Variants in CRYAB observed in about 807,000 individuals in gnomAD.
The protein encoded by CRYAB is alpha-crystallin B chain.
In CRYAB, 9 loss-of-function variants were observed where a neutral mutation model predicts 12.7. The observed-to-expected ratio is 0.71, with a 90% CI of 0.43 to 1.24. The LOEUF is 1.24. Ranked by LOEUF, CRYAB falls within the 50% of genes most tolerant of loss-of-function variation. The probability of loss-of-function intolerance (pLI) is 0.00; values close to 1 mark genes in which losing one functional copy is unlikely to be tolerated. For missense variants in CRYAB, 183 were observed against 226.6 expected (o/e 0.81, Z 1.24); for synonymous variants, 93 against 86.8 (o/e 1.07, Z -0.40).
At chr11:111,914,912 C>A (rs1183499603), upstream of CRYAB, among the ~76,000 whole-genome samples, 2 of 151,734 alleles carry the variant, frequency 1.3e-5, no homozygotes, top group African/African-American at 4.8e-5. Flanking sequence ...CTTGTCTCTA[C>A]AAAAAAATAA....
rs1965420354 is a variant in CRYAB, at chr11:111,910,523, TTC to T, written c.202-76_202-75del. Reference sequence around the variant, plus strand: ...TACTGATTACACAGGTGCTGTCTTATTCTGCAGAGCTGCTTTCTGTCCGGGTA... The same window carrying T: ...TACTGATTACACAGGTGCTGTCTTATTGCAGAGCTGCTTTCTGTCCGGGTA... On this transcript the variant is annotated intron_variant, in intron 1 of 2. Transcript: ENST00000650687. 3.3e-5 allele frequency: 51 copies of T among 1,565,178 alleles called. No individual in the cohort carries two copies. The South Asian group carries it at 5.1e-4, about 16-fold the overall frequency.
chr11:111,913,514 T>C (rs1965538446), upstream of CRYAB: 1 of 1,613,996 alleles, frequency 6.2e-7, no homozygotes, highest in Non-Finnish European at 8.5e-7. Context: ...CCGCCCCAGC[T>C]GGGGAGGGCA....
upstream of CRYAB, chr11:111,913,994 G>A (rs1451419961): frequency 3.8e-6 from 4 of 1,049,956 alleles, no homozygotes; most frequent in African/African-American, 3.2e-5. Flanking sequence ...TTGGGGGAAG[G>A]GAAAGGTGCA....
At chr11:111,912,097 C>T (rs1256318478), upstream of CRYAB, 3 of 273,096 alleles carry the variant, frequency 1.1e-5, no homozygotes, top group East Asian at 1.6e-4. Context: ...TGGGAGCCGG[C>T]GTAGTGTGCC....
rs782520163 is a variant in CRYAB, at chr11:111,910,332, G to A, written c.319C>T (p.Arg107Cys). Residue 107 changes from arginine to cysteine, a missense_variant, in exon 2 of 3, where the codon CGC becomes TGC. Transcript: ENST00000650687. ...CAAAAAAACAAGCTACATACCTGGC[G>A]CTCTTCATGTTTTCCATGCACCTCA... ...VIEVHGKHEE[R>C]QDEHGFISRE... 3 of 1,614,168 alleles carry A rather than the reference G, an allele frequency of 1.9e-6. No homozygotes were observed. The highest frequency in any genetic ancestry group is 1.3e-5 in the African/African-American group (1 of 75,050).
At chr11:111,909,148 C>G in intron 2 of CRYAB, 181 bp from the exon 3 acceptor site, 1 of 691,176 alleles carries the variant, frequency 1.4e-6, no homozygotes, top group Non-Finnish European at 2.6e-6. Context: ...GGTAGTCACT[C>G]CTACCAGTGA....
chr11:111,918,984 G>C (rs1566422205), intron 1 of CRYAB: 2 of 1,614,072 alleles, frequency 1.2e-6, no homozygotes, highest in East Asian at 2.2e-5. Flanking sequence ...TGGGAAACCG[G>C]GTCTGCTGCG....
At chr11:111,911,973 G>C (rs14133), upstream of CRYAB, 139,790 of 509,026 alleles carry the variant, frequency 0.27, 19,715 homozygotes, top group Admixed American at 0.33. Context: ...GACTTGTCAT[G>C]GTCTTGTTTC....
upstream of CRYAB, chr11:111,912,567 G>A: frequency 1.9e-6 from 1 of 537,044 alleles, no homozygotes. Context: ...ACCCTCAGCT[G>A]TCCTCTCAGG....
upstream of CRYAB, among the ~76,000 whole-genome samples, chr11:111,918,345 G>GT (rs1555166235): frequency 6.6e-6 from 1 of 152,130 alleles, no homozygotes; most frequent in African/African-American, 2.4e-5. Flanking sequence ...ATTAGATTCA[G>GT]TTTTTTTCAT....
At chr11:111,915,299 A>T (rs1391094017), upstream of CRYAB, among the ~76,000 whole-genome samples, 1 of 152,150 alleles carries the variant, frequency 6.6e-6, no homozygotes, top group African/African-American at 2.4e-5. Context: ...CACTTGAGGA[A>T]TTCGACTTTT....
At chr11:111,913,428 C>T, upstream of CRYAB, 1 of 1,593,402 alleles carries the variant, frequency 6.3e-7, no homozygotes, top group Non-Finnish European at 8.5e-7. Flanking sequence ...CTTGCCTTCT[C>T]TCTGCCCTTT....
intron 1 of CRYAB, 87 bp from the exon 2 acceptor site, chr11:111,910,536 C>CT (rs1461155617): frequency 6.6e-7 from 1 of 1,510,012 alleles, no homozygotes; most frequent in Admixed American, 1.7e-5. Flanking sequence ...TGCAGAGCTG[C>CT]TTTCTGTCCG....
chr11:111,920,971 C>T (rs10502152), intron 1 of CRYAB, among the ~76,000 whole-genome samples: 46,009 of 151,644 alleles, frequency 0.3, 7,873 homozygotes, highest in East Asian at 0.58. Context: ...AAGGATATAG[C>T]GTATGTGAAA....
At chr11:111,910,598 A>G (rs1198682776) in intron 1 of CRYAB, 149 bp from the exon 2 acceptor site, 2 of 1,018,420 alleles carry the variant, frequency 2.0e-6, no homozygotes, top group Non-Finnish European at 3.0e-6. Context: ...TTAAATAAAC[A>G]TAGCTGTCTG....
upstream of CRYAB, chr11:111,913,776 C>A (rs1555165913): frequency 1.2e-6 from 2 of 1,614,192 alleles, no homozygotes; most frequent in South Asian, 1.1e-5. Flanking sequence ...CATCTTAAAC[C>A]TGGAAGCACC....
At position 111,920,523 on chromosome 11, in the gene CRYAB, G is replaced by A. The variant is rs1030221745; in HGVS notation, c.-199+3180C>T. On this transcript the variant is annotated intron_variant, in intron 1 of 3. Transcript: ENST00000527950. ...ACTGCAGTCCAGACTGGGCAACAGA[G>A]CGAGACTATGTCTTGAAAAAAAAAA... Among the ~76,000 whole-genome samples, 3 of 151,988 alleles carry A rather than the reference G, an allele frequency of 2.0e-5. No individual in the cohort carries two copies. In the East Asian group the frequency reaches 5.8e-4, roughly 29 times the overall value.
intron 1 of CRYAB, chr11:111,919,341 C>A: frequency 3.9e-6 from 1 of 256,546 alleles, no homozygotes; most frequent in South Asian, 5.2e-5. Flanking sequence ...GGCATGGTGG[C>A]GCGCACCTGT....
chr11:111,911,968 G>C (rs563261925), upstream of CRYAB: 34 of 528,632 alleles, frequency 6.4e-5, no homozygotes, highest in African/African-American at 6.1e-4. Context: ...CCAGTGACTT[G>C]TCATGGTCTT....
Sources: gnomAD v4.1 joint callset for allele counts (sites outside exome capture counted in the v4.1 genomes callset) on GRCh38, gnomAD v4.1.1 for gene constraint, MANE v1.5 for transcripts, NCBI Gene and HGNC (gene_info 2026-07-23, HGNC 2026-07-21) for gene names.